Variants in RBMS3 observed in about 807,000 individuals in gnomAD.
The protein encoded by RBMS3 is RNA-binding motif, single-stranded-interacting protein 3.
Under a neutral mutation model 66.8 loss-of-function variants are expected in RBMS3, and 27 were observed. That is an observed-to-expected ratio of 0.40 (90% CI 0.30 to 0.56). The LOEUF is 0.56. Among genes scored for constraint, RBMS3 ranks in the 20% least tolerant of loss-of-function variants. The pLI, the probability that RBMS3 is intolerant of heterozygous loss-of-function variation, is 0.40. For missense variants in RBMS3, 513 were observed against 549.5 expected (o/e 0.93, Z 0.66); for synonymous variants, 188 against 183.0 (o/e 1.03, Z -0.22).
Position 29,877,810 on chromosome 3 carries a change from C to T in RBMS3, c.745-6352C>T, listed in dbSNP as rs543866766. ...GTCAGAAGGTGATCTGCTCATATCC[C>T]CTTTCAGCAAGTGAACTAATAAATT... On this transcript the variant is annotated intron_variant, in intron 7 of 14. Transcript: ENST00000383767. Among the ~76,000 whole-genome samples the T allele has an allele frequency of 2.6e-5, 4 of 152,286 alleles. No homozygotes were observed. In the East Asian group the frequency reaches 7.7e-4, roughly 29 times the overall value.
chr3:29,891,325 C>T (rs1049330611), intron 8 of RBMS3, among the ~76,000 whole-genome samples: 1 of 151,630 alleles, frequency 6.6e-6, no homozygotes, highest in African/African-American at 2.4e-5. Flanking sequence ...CTGAATCTAT[C>T]CAAGTTATCA....
chr3:29,981,049 C>T (rs901557447), intron 12 of RBMS3, among the ~76,000 whole-genome samples: 4 of 152,148 alleles, frequency 2.6e-5, no homozygotes, highest in African/African-American at 9.7e-5. Context: ...GATATTGATT[C>T]TTCCTATCCA....
At chr3:29,445,694 G>A (rs1418402903) in intron 2 of RBMS3, among the ~76,000 whole-genome samples, 1 of 151,932 alleles carries the variant, frequency 6.6e-6, no homozygotes, top group African/African-American at 2.4e-5. Context: ...CAGTAGTATG[G>A]TATATACACA....
At chr3:29,838,852 G>T (rs1039550297) in intron 6 of RBMS3, among the ~76,000 whole-genome samples, 4 of 152,122 alleles carry the variant, frequency 2.6e-5, no homozygotes, top group African/African-American at 7.2e-5. Context: ...TGGAAAACAG[G>T]TTGATAAATT....
chr3:29,990,710 A>G (rs1698803699), intron 13 of RBMS3, among the ~76,000 whole-genome samples: 1 of 152,194 alleles, frequency 6.6e-6, no homozygotes. Flanking sequence ...GACATGATAC[A>G]GTGAAATATG....
intron 1 of RBMS3, among the ~76,000 whole-genome samples, chr3:29,371,699 T>G (rs2125603245): frequency 6.6e-6 from 1 of 152,268 alleles, no homozygotes; most frequent in East Asian, 1.9e-4. Flanking sequence ...AATTTTGTTT[T>G]ATTGGTTCCA....
chr3:29,291,484 C>T (rs942317701), intron 1 of RBMS3, among the ~76,000 whole-genome samples: 2 of 151,782 alleles, frequency 1.3e-5, no homozygotes, highest in African/African-American at 4.8e-5. Context: ...GTGCCAGGTT[C>T]ACAGAATTTT....
At chr3:29,772,642 A>G (rs1214087705) in intron 6 of RBMS3, among the ~76,000 whole-genome samples, 2 of 151,948 alleles carry the variant, frequency 1.3e-5, no homozygotes, top group Admixed American at 1.3e-4. Context: ...GCAGCATAGG[A>G]GGTCGGTGGT....
At position 29,887,003 on chromosome 3, in the gene RBMS3, A is replaced by T. The variant is rs190742400; in HGVS notation, c.791+2795A>T. 5.5e-4 allele frequency among the ~76,000 whole-genome samples: 84 copies of T among 151,922 alleles called. 1 individual carries two copies. Among genetic ancestry groups the T allele is most frequent in the Admixed American group, 1.6e-3 (24 of 15,242 alleles). ...GGTGAATAAGACACACCCAGTCTTT[A>T]CTCATCTACATAGTAGCAAAGGAAA... On this transcript the variant is annotated intron_variant, in intron 8 of 14. Coordinates refer to ENST00000383767, the MANE Select transcript of RBMS3 (RefSeq NM_001003793.3).
chr3:29,775,403 T>C (rs2056391687), intron 6 of RBMS3, among the ~76,000 whole-genome samples: 1 of 152,026 alleles, frequency 6.6e-6, no homozygotes, highest in Non-Finnish European at 1.5e-5. Flanking sequence ...GCATATTGTT[T>C]GACAGAATAT....
At chr3:29,647,557 A>G (rs1194360317) in intron 4 of RBMS3, among the ~76,000 whole-genome samples, 2 of 152,146 alleles carry the variant, frequency 1.3e-5, no homozygotes, top group Non-Finnish European at 2.9e-5. Context: ...TGTGGAAACA[A>G]ATTCACAAAC....
intron 3 of RBMS3, among the ~76,000 whole-genome samples, chr3:29,548,370 C>T (rs543833724): frequency 2.0e-5 from 3 of 151,752 alleles, no homozygotes; most frequent in African/African-American, 7.2e-5. Flanking sequence ...TTCAAAGTTA[C>T]GATGATCTAT....
intron 10 of RBMS3, among the ~76,000 whole-genome samples, chr3:29,913,629 C>A (rs2060569873): frequency 1.3e-5 from 2 of 152,016 alleles, no homozygotes; most frequent in East Asian, 3.9e-4. Context: ...GAAAATCAAG[C>A]TAATTATCAA....
intron 13 of RBMS3, among the ~76,000 whole-genome samples, chr3:29,990,460 C>CAAAAAAAAAAAAA (rs10596526): frequency 1.9e-5 from 2 of 106,514 alleles, no homozygotes; most frequent in South Asian, 2.8e-4. Context: ...CTGTGAGAAA[C>CAAAAAAAAAAAAA]AAAAAAAAAA....
chr3:29,435,435 G>T (rs1211674258), intron 2 of RBMS3, among the ~76,000 whole-genome samples: 1 of 152,120 alleles, frequency 6.6e-6, no homozygotes, highest in African/African-American at 2.4e-5. Flanking sequence ...CTGCTGCCTA[G>T]TCCAGTGAAG....
chr3:29,574,211 T>G lies in RBMS3; in HGVS notation c.308-12903T>G, dbSNP rs142446467. Among the ~76,000 whole-genome samples the G allele has an allele frequency of 5.9e-5, 9 of 152,296 alleles. No individual in the cohort carries two copies. In the East Asian group the frequency reaches 1.7e-3, roughly 29 times the overall value. On this transcript the variant is annotated intron_variant, in intron 3 of 14. Transcript: ENST00000383767. ...GGTCTACCTTTCTCTTTAGCTCTAATAATATTTGCTTTATATATCAGGGTG... is the reference window on the plus strand; with the variant it reads ...GGTCTACCTTTCTCTTTAGCTCTAAGAATATTTGCTTTATATATCAGGGTG...
At chr3:29,295,111 A>G (rs1338207275) in intron 1 of RBMS3, among the ~76,000 whole-genome samples, 1 of 151,430 alleles carries the variant, frequency 6.6e-6, no homozygotes, top group East Asian at 2.0e-4. Flanking sequence ...AATATCTGAA[A>G]ACAATAACCC....
chr3:29,714,547 T>G (rs1480587426), intron 4 of RBMS3, among the ~76,000 whole-genome samples: 1 of 152,170 alleles, frequency 6.6e-6, no homozygotes, highest in Non-Finnish European at 1.5e-5. Context: ...ATCATGAGAC[T>G]TGGTAACATA....
At chr3:29,737,598 A>G (rs114932769) in intron 4 of RBMS3, among the ~76,000 whole-genome samples, 1,692 of 152,318 alleles carry the variant, frequency 0.011, 15 homozygotes, top group Non-Finnish European at 0.018. Context: ...CAATGTGAAG[A>G]TTAAAATTAA....
Sources: allele counts gnomAD v4.1 joint callset (sites outside exome capture counted in the v4.1 genomes callset), GRCh38; gene constraint gnomAD v4.1.1; transcripts MANE v1.5; gene names NCBI Gene and HGNC (gene_info 2026-07-23, HGNC 2026-07-21).